RPL13A: variants seen among roughly 807,000 people sequenced by gnomAD.
RPL13A encodes ribosomal protein L13a, also known as large ribosomal subunit protein uL13.
Under a neutral mutation model 30.8 loss-of-function variants are expected in RPL13A, and 4 were observed. The ratio of observed to expected loss-of-function variants is 0.13; its 90% CI spans 0.06 to 0.30. RPL13A has a LOEUF of 0.30. Ranked by LOEUF, RPL13A falls within the 10% of genes least tolerant of loss-of-function variation. The pLI, the probability that RPL13A is intolerant of heterozygous loss-of-function variation, is 1.00. For missense variants in RPL13A, 196 were observed against 272.6 expected, an observed-to-expected ratio of 0.72 and a Z score of 1.98; for synonymous variants, 108 against 104.2, an observed-to-expected ratio of 1.04 and a Z score of -0.22.
rs71180637 is a variant in RPL13A, at chr19:49,491,402, ACCCCCCCCCC to A, written c.403-14_403-5del. ...GATATCCTTACAACTTCATTTGTTC[ACCCCCCCCCC>A]CCCCCCCCGCAGTTTGCCTATCTGG... On this transcript the variant is annotated splice_polypyrimidine_tract_variant and intron_variant, in intron 6 of 7. Transcript: ENST00000391857. 215 of 236,470 alleles carry A rather than the reference ACCCCCCCCCC, an allele frequency of 9.1e-4. 18 individuals carry two copies. The highest frequency in any genetic ancestry group is 1.5e-3 in the South Asian group (44 of 28,768). The allele number at this position is 236,470 out of a possible 1,614,324, so 14.6% of individuals were successfully genotyped here.
At position 49,490,183 on chromosome 19, in the gene RPL13A, G is replaced by C. The variant is rs201604043; in HGVS notation, c.89-49G>C. On this transcript the variant is annotated intron_variant, in intron 2 of 7. Coordinates refer to ENST00000391857, the MANE Select transcript of RPL13A (RefSeq NM_012423.4). ...CTGGAGGGTGACTGCATAGGCAGTG[G>C]TGGGACCCTCAGGCGGCTCGGCCCT... 410 of 1,568,108 alleles carry C rather than the reference G, an allele frequency of 2.6e-4. 2 individuals carry two copies. The African/African-American group carries it at 5.0e-3, about 19-fold the overall frequency.
chr19:49,492,029 A>G lies in RPL13A; in HGVS notation c.*214A>G, dbSNP rs2079876416. On this transcript the variant is annotated 3_prime_UTR_variant, in exon 8 of 8. Coordinates refer to ENST00000391857, the MANE Select transcript of RPL13A (RefSeq NM_012423.4). The stretch of plus-strand genomic sequence containing the variant: ...TGCAGGTGTCATTTATCTATGACCA[A>G]TAGGAAGAGCAACCAGTTACTATGA... The G allele has an allele frequency of 5.6e-6, 3 of 532,774 alleles. No individual in the cohort carries two copies. The highest frequency in any genetic ancestry group is 2.2e-5 in the South Asian group (1 of 46,030). The allele number at this position is 532,774 out of a possible 1,614,324, so 33.0% of individuals were successfully genotyped here.
intron 1 of RPL13A, among the ~76,000 whole-genome samples, chr19:49,489,372 G>A (rs938214807): frequency 3.9e-5 from 6 of 151,964 alleles, no homozygotes; most frequent in African/African-American, 7.2e-5. Flanking sequence ...GTGGTGGTGC[G>A]CGCCTGTAGT....
Position 49,492,099 on chromosome 19 carries a change from G to GT in RPL13A, c.*285dup. ...CTGATTGGAGGGCCCTATCTTGTGA[G>GT]TGGGGCATCTGTTGGACTTTCCACC... On this transcript the variant is annotated 3_prime_UTR_variant, in exon 8 of 8. Coordinates refer to ENST00000391857, the MANE Select transcript of RPL13A (RefSeq NM_012423.4). 2.6e-6 allele frequency: 1 copy of GT among 389,246 alleles called. No homozygotes were observed. Among genetic ancestry groups the GT allele is most frequent in the Non-Finnish European group, 4.8e-6 (1 of 208,244 alleles). 24.1% of individuals were successfully genotyped at this position (389,246 alleles called of 1,614,324 possible).
intron 1 of RPL13A, among the ~76,000 whole-genome samples, chr19:49,488,515 T>C (rs1161603164): frequency 1.3e-5 from 2 of 152,248 alleles, no homozygotes; most frequent in African/African-American, 4.8e-5. Flanking sequence ...CAGTTAACCA[T>C]ATTCCTGAGG....
At chr19:49,487,770 CTT>C in intron 1 of RPL13A, 126 bp downstream of exon 1, 2 of 1,027,790 alleles carry the variant, frequency 1.9e-6, no homozygotes, top group South Asian at 3.6e-5. Context: ...AAATGGAAGT[CTT>C]TTGGGATAAG....
chr19:49,490,082 G>A (rs755789812), intron 2 of RPL13A, 150 bp from the exon 3 acceptor site: 23 of 1,032,770 alleles, frequency 2.2e-5, no homozygotes, highest in Non-Finnish European at 3.4e-5. Flanking sequence ...GGGACTCCAG[G>A]CTCAAGAAGT....
intron 1 of RPL13A, among the ~76,000 whole-genome samples, chr19:49,488,684 C>T (rs1415795004): frequency 6.6e-6 from 1 of 152,242 alleles, no homozygotes; most frequent in African/African-American, 2.4e-5. Context: ...CATGCTTTTG[C>T]ATTAAAACAA....
rs1200347710 is a variant in RPL13A, at chr19:49,490,539, C to A, written c.219C>A (p.Phe73Leu). 6.2e-7 allele frequency: 1 copy of A among 1,614,058 alleles called. No homozygotes were observed. The highest frequency in any genetic ancestry group is 8.5e-7 in the Non-Finnish European group (1 of 1,180,052). Residue 73 changes from phenylalanine to leucine, a missense_variant, in exon 4 of 8, where the codon TTC becomes TTA. Transcript: ENST00000391857. ...ACCCTTCCCGAGGCCCCTACCACTT[C>A]CGGGCCCCCAGCCGCATCTTCTGGC... ...NTNPSRGPYH[F>L]RAPSRIFWRT...
chr19:49,490,061 C>G (rs758833862), intron 2 of RPL13A, 139 bp downstream of exon 2: 6 of 1,012,410 alleles, frequency 5.9e-6, no homozygotes, highest in Non-Finnish European at 9.4e-6. Flanking sequence ...AGCCACTCTT[C>G]CCCAGGGTTG....
intron 6 of RPL13A, 117 bp downstream of exon 6, chr19:49,491,216 C>T: frequency 7.4e-7 from 1 of 1,345,130 alleles, no homozygotes; most frequent in Non-Finnish European, 1.1e-6. Context: ...GCGGATGTCC[C>T]TGTGGGAATG....
chr19:49,487,634 C>G lies in RPL13A; in HGVS notation c.5C>G (p.Ala2Gly), dbSNP rs570610827. 6 of 1,572,086 alleles carry G rather than the reference C, an allele frequency of 3.8e-6. No individual in the cohort carries two copies. Among genetic ancestry groups the G allele is most frequent in the Non-Finnish European group, 3.4e-6 (4 of 1,159,902 alleles). Residue 2 changes from alanine (A) to glycine (G), a missense_variant, in exon 1 of 8, where the codon GCG becomes GGG. Transcript: ENST00000391857. The part of the protein sequence containing the change: M[A>G]EVQVLVLDGR... ...TTTTCCAAGCGGCTGCCGAAGATGG[C>G]GGAGGTGCAGGTATGGGCTCCGCGC...
Position 49,491,080 on chromosome 19 carries a change from G to T in RPL13A, c.383G>T (p.Arg128Leu). 3.1e-6 allele frequency: 5 copies of T among 1,614,224 alleles called. No individual in the cohort carries two copies. The highest frequency in any genetic ancestry group is 4.2e-6 in the Non-Finnish European group (5 of 1,180,052). Residue 128 changes from arginine to leucine, a missense_variant, in exon 6 of 8, where the codon CGT becomes CTT. Coordinates refer to ENST00000391857, the MANE Select transcript of RPL13A (RefSeq NM_012423.4). The part of the protein sequence containing the change: ...MVVPAALKVV[R>L]LKPTRKFAYL... ...GTTCCTGCTGCCCTCAAGGTCGTGC[G>T]TCTGAAGCCTACAAGAAAGGTGAGT...
At chr19:49,490,077 TC>T in intron 2 of RPL13A, 154 bp from the exon 3 acceptor site, 1 of 1,026,642 alleles carries the variant, frequency 9.7e-7, no homozygotes, top group Non-Finnish European at 1.5e-6. Flanking sequence ...GGTTGGGGAC[TC>T]CAGGCTCAAG....
rs529105348 is a variant in RPL13A, at chr19:49,488,283, A to G, written c.15+639A>G. 2.0e-5 allele frequency among the ~76,000 whole-genome samples: 3 copies of G among 152,238 alleles called. No homozygotes were observed. In the South Asian group the frequency reaches 6.2e-4, roughly 32 times the overall value. ...GTCGAGAGCTGTGATGAATGGTTCC[A>G]CAAGGATGGGACATCTTTTGGGCCT... On this transcript the variant is annotated intron_variant, in intron 1 of 7. Transcript: ENST00000391857.
rs150621982 is a variant in RPL13A at position 49,492,079 on chromosome 19, T to TTA, written c.*264_*265insTA. The TTA allele has an allele frequency of 2.3e-6, 1 of 433,808 alleles. No homozygotes were observed. The highest frequency in any genetic ancestry group is 2.0e-5 in the African/African-American group (1 of 49,900). 26.9% of individuals were successfully genotyped at this position (433,808 alleles called of 1,614,324 possible). ...AGTGAAAGGGAGCCAGAAGACTGATTGGAGGGCCCTATCTTGTGAGTGGGG... is the reference window on the plus strand; with the variant it reads ...AGTGAAAGGGAGCCAGAAGACTGATTTAGGAGGGCCCTATCTTGTGAGTGGGG... On this transcript the variant is annotated 3_prime_UTR_variant, in exon 8 of 8. Transcript: ENST00000391857.
At chr19:49,490,966 G>A (rs1380384740) in intron 5 of RPL13A, 74 bp from the exon 6 acceptor site, 1 of 1,601,202 alleles carries the variant, frequency 6.2e-7, no homozygotes, top group Admixed American at 1.7e-5. Context: ...AGCACTGGCT[G>A]AGACGCCAGT....
rs779992921 is a variant in RPL13A, at chr19:49,490,327, G to C, written c.154+30G>C. 4.8e-5 allele frequency: 78 copies of C among 1,610,820 alleles called. 1 individual carries two copies. The South Asian group carries it at 8.5e-4, about 17-fold the overall frequency. On this transcript the variant is annotated intron_variant, in intron 3 of 7. Coordinates refer to ENST00000391857, the MANE Select transcript of RPL13A (RefSeq NM_012423.4). ...GTTAGGACCTGGGAGGAGCACTGGA[G>C]AGGGTCTCCCTGTGGGGTGTTGAGG...
chr19:49,491,887 C>A lies in RPL13A; in HGVS notation c.*72C>A. ...CATTGTTGCCCTGGAATGTACGGGA[C>A]CCAGGGGCAGCAGCAGTCCAGGTGC... On this transcript the variant is annotated 3_prime_UTR_variant, in exon 8 of 8. Transcript: ENST00000391857. The A allele has an allele frequency of 8.0e-7, 1 of 1,249,090 alleles. No individual in the cohort carries two copies. The allele number at this position is 1,249,090 out of a possible 1,614,324, so 77.4% of individuals were successfully genotyped here.
Sources: allele counts gnomAD v4.1 joint callset (sites outside exome capture counted in the v4.1 genomes callset), GRCh38; gene constraint gnomAD v4.1.1; transcripts MANE v1.5; gene names NCBI Gene and HGNC (gene_info 2026-07-23, HGNC 2026-07-21).